The following VPS13B variants were observed in gnomAD, a reference collection of about 807,000 sequenced individuals.
The protein encoded by VPS13B is intermembrane lipid transfer protein VPS13B.
VPS13B carries 285 observed loss-of-function variants against 426.4 expected under a neutral mutation model. The ratio of observed to expected loss-of-function variants is 0.67; its 90% confidence interval spans 0.61 to 0.74. VPS13B has a LOEUF of 0.74. VPS13B is among the 30% of genes least tolerant of loss of function. The pLI is 0.00. For synonymous variants in VPS13B, 1,676 were observed against 1,676.4 expected (o/e 1.00, Z 0.01); for missense variants, 4,537 against 4,782.6 (o/e 0.95, Z 1.51).
At chr8:99,044,760 A>G (rs1041777287) in intron 3 of VPS13B, among the ~76,000 whole-genome samples, 3 of 151,642 alleles carry the variant, frequency 2.0e-5, no homozygotes, top group African/African-American at 7.3e-5. Context: ...TTCCTGAGTT[A>G]CTTCACTTAG....
chr8:99,367,851 G>A (rs1306727232), intron 19 of VPS13B, among the ~76,000 whole-genome samples: 1 of 151,942 alleles, frequency 6.6e-6, no homozygotes. Flanking sequence ...ACAGGGTTTC[G>A]CCATGTTGGC....
At chr8:99,065,659 A>G (rs1469839201) in intron 3 of VPS13B, among the ~76,000 whole-genome samples, 7 of 152,230 alleles carry the variant, frequency 4.6e-5, no homozygotes, top group African/African-American at 9.6e-5. Flanking sequence ...GGCCAGAGCA[A>G]TCAGGCAAGA....
Position 99,135,010 on chromosome 8 carries a change from T to C in VPS13B, c.1303-5T>C. On this transcript the variant is annotated splice_polypyrimidine_tract_variant and splice_region_variant and intron_variant, in intron 9 of 61. Coordinates refer to ENST00000357162, the MANE Select transcript of VPS13B (RefSeq NM_152564.5). The stretch of plus-strand genomic sequence containing the variant: ...TTAGTTCTAATGTTTCCTTTCGTCT[T>C]ATAGGCCCTTATGATGGGAGAACCT... 1 of 1,613,482 alleles carries C rather than the reference T, an allele frequency of 6.2e-7. No homozygotes were observed. The highest frequency in any genetic ancestry group is 8.5e-7 in the Non-Finnish European group (1 of 1,179,530).
chr8:99,292,734 T>C (rs1262537374), intron 19 of VPS13B, among the ~76,000 whole-genome samples: 2 of 152,102 alleles, frequency 1.3e-5, no homozygotes, highest in Admixed American at 6.6e-5. Flanking sequence ...AAATGGAATC[T>C]AAAAGGGGCA....
chr8:99,826,076 G>A (rs1814666846), intron 51 of VPS13B, among the ~76,000 whole-genome samples: 1 of 152,062 alleles, frequency 6.6e-6, no homozygotes, highest in African/African-American at 2.4e-5. Flanking sequence ...TCTACATGAA[G>A]TTTAAAGTAG....
chr8:99,151,148 A>G (rs1811055351), intron 14 of VPS13B, among the ~76,000 whole-genome samples: 1 of 152,174 alleles, frequency 6.6e-6, no homozygotes, highest in South Asian at 2.1e-4. Context: ...ACATCATTTC[A>G]TATGCTTATT....
At chr8:99,052,737 A>G (rs566277618) in intron 3 of VPS13B, among the ~76,000 whole-genome samples, 4 of 152,158 alleles carry the variant, frequency 2.6e-5, no homozygotes, top group East Asian at 1.9e-4. Context: ...CAGAGATTCA[A>G]CTTCTTCCTG....
intron 43 of VPS13B, among the ~76,000 whole-genome samples, chr8:99,785,286 T>C (rs200757836): frequency 2.0e-5 from 3 of 152,278 alleles, no homozygotes; most frequent in East Asian, 3.9e-4. Flanking sequence ...CTGCTTGTGA[T>C]TAAAAGAAAG....
chr8:99,477,240 T>C, intron 24 of VPS13B, among the ~76,000 whole-genome samples: 1 of 152,210 alleles, frequency 6.6e-6, no homozygotes, highest in Admixed American at 6.5e-5. Flanking sequence ...ACCCCTAAAA[T>C]GCACGCAGAC....
At chr8:99,410,174 A>G (rs970073384) in intron 21 of VPS13B, among the ~76,000 whole-genome samples, 2 of 152,224 alleles carry the variant, frequency 1.3e-5, no homozygotes, top group African/African-American at 4.8e-5. Context: ...TTTCACTTCT[A>G]AAACTCAAAT....
intron 19 of VPS13B, among the ~76,000 whole-genome samples, chr8:99,311,238 T>C (rs1253620933): frequency 3.9e-5 from 6 of 152,242 alleles, no homozygotes; most frequent in Non-Finnish European, 7.3e-5. Context: ...CTCTTGCTTC[T>C]CTAGTTCTTT....
chr8:99,519,088 A>C (rs1245462137), intron 29 of VPS13B, among the ~76,000 whole-genome samples: 1 of 152,214 alleles, frequency 6.6e-6, no homozygotes, highest in Non-Finnish European at 1.5e-5. Flanking sequence ...TAAAATGTAA[A>C]TGTATTTTTT....
intron 57 of VPS13B, among the ~76,000 whole-genome samples, chr8:99,861,135 G>A (rs1816810112): frequency 6.6e-6 from 1 of 152,158 alleles, no homozygotes; most frequent in South Asian, 2.1e-4. Flanking sequence ...CCTCAGTGAA[G>A]GCATCAATAC....
intron 12 of VPS13B, 45 bp from the exon 13 acceptor site, chr8:99,142,929 G>C (rs1810510617): frequency 6.4e-7 from 1 of 1,557,602 alleles, no homozygotes; most frequent in African/African-American, 1.4e-5. Context: ...TATTTACTTG[G>C]TATATCCAAT....
intron 31 of VPS13B, among the ~76,000 whole-genome samples, chr8:99,562,281 C>A (rs561301369): frequency 1.3e-5 from 2 of 151,360 alleles, no homozygotes; most frequent in African/African-American, 4.9e-5. Context: ...CCCCCCCATC[C>A]CCACCCCACG....
chr8:99,684,501 G>A (rs1488120725), intron 35 of VPS13B, among the ~76,000 whole-genome samples: 1 of 152,092 alleles, frequency 6.6e-6, no homozygotes. Flanking sequence ...TCCACTTCTG[G>A]GCTTTGGGCT....
intron 33 of VPS13B, among the ~76,000 whole-genome samples, chr8:99,580,791 G>A (rs2133818000): frequency 6.6e-6 from 1 of 152,078 alleles, no homozygotes; most frequent in African/African-American, 2.4e-5. Context: ...GGTCAAGGCT[G>A]AAGTGAGGTG....
intron 19 of VPS13B, among the ~76,000 whole-genome samples, chr8:99,300,479 A>G (rs1820300946): frequency 6.6e-6 from 1 of 152,210 alleles, no homozygotes; most frequent in East Asian, 1.9e-4. Flanking sequence ...TTCTTTTTAT[A>G]TAGACTTCTC....
intron 8 of VPS13B, among the ~76,000 whole-genome samples, chr8:99,129,400 C>CA (rs1382270878): frequency 6.6e-6 from 1 of 150,530 alleles, no homozygotes; most frequent in East Asian, 2.0e-4. Flanking sequence ...CCTGTCTGTA[C>CA]AAAAAATAAA....
Sources: allele counts gnomAD v4.1 joint callset (sites outside exome capture counted in the v4.1 genomes callset), GRCh38; gene constraint gnomAD v4.1.1; transcripts MANE v1.5; gene names NCBI Gene and HGNC (gene_info 2026-07-23, HGNC 2026-07-21).